Variants in XIRP2 observed in about 807,000 individuals in gnomAD.
The protein encoded by XIRP2 is xin actin-binding repeat-containing protein 2.
In XIRP2, 236 loss-of-function variants were observed where a neutral mutation model predicts 277.0. The observed-to-expected ratio is 0.85, with a 90% CI of 0.77 to 0.95. The LOEUF is 0.95. Ranked by LOEUF, XIRP2 falls within the 40% of genes least tolerant of loss-of-function variation. The pLI, the probability that XIRP2 is intolerant of heterozygous loss-of-function variation, is 0.00. For missense variants in XIRP2, 4,640 were observed against 4,157.5 expected (o/e 1.12, Z -3.19); for synonymous variants, 1,490 against 1,416.5 (o/e 1.05, Z -1.17).
At chr2:167,082,263 A>G (rs1256280187) in intron 2 of XIRP2, among the ~76,000 whole-genome samples, 2 of 152,180 alleles carry the variant, frequency 1.3e-5, no homozygotes, top group African/African-American at 2.4e-5. Context: ...TGTCCCTACA[A>G]AGGACATGAA....
At chr2:167,172,350 A>T (rs1372862808) in intron 3 of XIRP2, among the ~76,000 whole-genome samples, 1 of 152,234 alleles carries the variant, frequency 6.6e-6, no homozygotes, top group Non-Finnish European at 1.5e-5. Flanking sequence ...GGGCAAAATT[A>T]AAATTGCTAA....
intron 2 of XIRP2, among the ~76,000 whole-genome samples, chr2:167,097,953 T>A (rs907575312): frequency 5.3e-5 from 8 of 152,206 alleles, no homozygotes; most frequent in Admixed American, 2.0e-4. Context: ...GTGGGTAACC[T>A]AACCTCTTTC....
intron 4 of XIRP2, among the ~76,000 whole-genome samples, chr2:167,216,934 C>G (rs1189735715): frequency 1.5e-5 from 2 of 134,262 alleles, no homozygotes; most frequent in Non-Finnish European, 3.0e-5. Context: ...ACACATACAC[C>G]ATGGAATACT....
At chr2:166,892,979 T>TACACACACAC (rs572313151) in intron 1 of XIRP2, among the ~76,000 whole-genome samples, 2,110 of 145,888 alleles carry the variant, frequency 0.014, 16 homozygotes, top group African/African-American at 0.018. Context: ...TATATATGTA[T>TACACACACAC]ATACACACAC....
At chr2:167,137,059 G>A (rs1209897081) in intron 3 of XIRP2, among the ~76,000 whole-genome samples, 1 of 152,184 alleles carries the variant, frequency 6.6e-6, no homozygotes, top group Non-Finnish European at 1.5e-5. Flanking sequence ...ATCCTCAAAT[G>A]ATTCATGTGC....
intron 3 of XIRP2, among the ~76,000 whole-genome samples, chr2:167,186,915 T>A (rs941298669): frequency 1.3e-5 from 2 of 152,072 alleles, no homozygotes; most frequent in African/African-American, 2.4e-5. Flanking sequence ...GTTTTACATA[T>A]CTAAGAACAT....
chr2:166,971,181 A>G (rs1037219428), intron 2 of XIRP2, among the ~76,000 whole-genome samples: 3 of 152,062 alleles, frequency 2.0e-5, no homozygotes, highest in African/African-American at 7.2e-5. Flanking sequence ...GTAAGTTTAA[A>G]TTAATTAAAA....
intron 3 of XIRP2, among the ~76,000 whole-genome samples, chr2:167,189,481 A>G (rs1559013392): frequency 6.6e-6 from 1 of 152,078 alleles, no homozygotes; most frequent in Non-Finnish European, 1.5e-5. Context: ...TTTGTTTCCC[A>G]CCTCCTCTTA....
At chr2:167,030,673 G>T (rs1050096400) in intron 2 of XIRP2, among the ~76,000 whole-genome samples, 2 of 152,152 alleles carry the variant, frequency 1.3e-5, no homozygotes, top group Admixed American at 6.6e-5. Context: ...GTGCTGAGAA[G>T]AATATATATT....
chr2:166,963,809 T>C (rs1226555470), intron 2 of XIRP2, among the ~76,000 whole-genome samples: 1 of 151,738 alleles, frequency 6.6e-6, no homozygotes, highest in Non-Finnish European at 1.5e-5. Context: ...CTGTAAGAAT[T>C]TGTTATATTA....
intron 2 of XIRP2, among the ~76,000 whole-genome samples, chr2:167,097,569 G>T (rs187023564): frequency 6.6e-6 from 1 of 152,066 alleles, no homozygotes; most frequent in Non-Finnish European, 1.5e-5. Context: ...CTTTGATATT[G>T]TTATGTGTGA....
intron 2 of XIRP2, among the ~76,000 whole-genome samples, chr2:166,970,284 G>C (rs1453384222): frequency 6.6e-6 from 1 of 151,962 alleles, no homozygotes; most frequent in Non-Finnish European, 1.5e-5. Context: ...ATTTAGGAAT[G>C]GGTTTTAACA....
chr2:167,140,487 G>A (rs146595565), intron 3 of XIRP2, among the ~76,000 whole-genome samples: 3 of 152,034 alleles, frequency 2.0e-5, no homozygotes, highest in African/African-American at 7.3e-5. Flanking sequence ...TAACACCATC[G>A]ACACCATTTG....
chr2:167,210,326 C>T (rs1354793728), intron 3 of XIRP2, among the ~76,000 whole-genome samples: 1 of 152,132 alleles, frequency 6.6e-6, no homozygotes, highest in Non-Finnish European at 1.5e-5. Context: ...ATAGGCGTGA[C>T]TCTCATTTTC....
chr2:166,997,189 A>G (rs1415814481), intron 2 of XIRP2, among the ~76,000 whole-genome samples: 4 of 152,102 alleles, frequency 2.6e-5, no homozygotes, highest in African/African-American at 9.7e-5. Context: ...TTTTCACAGG[A>G]TTTTTTATTA....
At chr2:167,257,076 A>C (rs1409376243) in intron 10 of XIRP2, among the ~76,000 whole-genome samples, 1 of 151,896 alleles carries the variant, frequency 6.6e-6, no homozygotes, top group Non-Finnish European at 1.5e-5. Context: ...TCTGATTGGC[A>C]TGTGATACTT....
Position 167,246,728 on chromosome 2 carries a change from A to C in XIRP2, c.5336A>C (p.Glu1779Ala). 6.2e-7 allele frequency: 1 copy of C among 1,613,844 alleles called. No individual in the cohort carries two copies. Among genetic ancestry groups the C allele is most frequent in the Non-Finnish European group, 8.5e-7 (1 of 1,179,854 alleles). Residue 1779 changes from glutamate to alanine, a missense_variant, in exon 9 of 11, where the codon GAA becomes GCA. Transcript: ENST00000409195. ...LTAKKQEGEKEIIGGDVEGTK... is the reference protein window; with the variant it reads ...LTAKKQEGEKAIIGGDVEGTK... ...GCTAAGAAACAAGAAGGAGAGAAAG[A>C]AATCATTGGTGGTGATGTTGAAGGT...
At chr2:167,233,729 T>C (rs940143353) in intron 5 of XIRP2, among the ~76,000 whole-genome samples, 22 of 151,774 alleles carry the variant, frequency 1.4e-4, no homozygotes, top group Admixed American at 1.3e-3. Flanking sequence ...GTAAACTTTT[T>C]ATCTGTAATT....
intron 2 of XIRP2, among the ~76,000 whole-genome samples, chr2:166,927,468 T>C (rs1685219413): frequency 2.6e-5 from 4 of 152,112 alleles, no homozygotes; most frequent in African/African-American, 9.7e-5. Context: ...GGGAGATTCT[T>C]TTTCTTCATG....
Sources: gnomAD v4.1 joint callset for allele counts (sites outside exome capture counted in the v4.1 genomes callset) on GRCh38, gnomAD v4.1.1 for gene constraint, MANE v1.5 for transcripts, NCBI Gene and HGNC (gene_info 2026-07-23, HGNC 2026-07-21) for gene names.